Variants in PEBP4 observed in about 807,000 individuals in gnomAD.
The protein encoded by PEBP4 is phosphatidylethanolamine binding protein 4.
Under a neutral mutation model 23.9 loss-of-function variants are expected in PEBP4, and 22 were observed. The observed-to-expected ratio is 0.92, with a 90% CI of 0.66 to 1.31. PEBP4 has a LOEUF of 1.31. PEBP4 is among the 40% of genes most tolerant of loss of function. PEBP4 has a pLI of 0.00. For missense variants in PEBP4, 324 were observed against 281.7 expected (o/e 1.15, Z -1.07); for synonymous variants, 112 against 99.3 (o/e 1.13, Z -0.76).
intron 6 of PEBP4, among the ~76,000 whole-genome samples, chr8:22,723,106 C>A (rs1183428159): frequency 6.6e-6 from 1 of 152,098 alleles, no homozygotes; most frequent in African/African-American, 2.4e-5. Flanking sequence ...AAACCCTGTA[C>A]AGATGCAAGT....
chr8:22,861,281 G>C (rs1325496435), intron 3 of PEBP4, among the ~76,000 whole-genome samples: 1 of 152,184 alleles, frequency 6.6e-6, no homozygotes, highest in Non-Finnish European at 1.5e-5. Flanking sequence ...CCCTATTACA[G>C]CTAATAATAA....
chr8:22,761,959 T>C (rs941385107), intron 4 of PEBP4, among the ~76,000 whole-genome samples: 3 of 152,238 alleles, frequency 2.0e-5, no homozygotes, highest in African/African-American at 7.2e-5. Context: ...GCCTAAGGCA[T>C]AACTCTGCAT....
At chr8:22,939,422 T>C (rs1809580938) in intron 1 of PEBP4, among the ~76,000 whole-genome samples, 4 of 152,220 alleles carry the variant, frequency 2.6e-5, no homozygotes, top group African/African-American at 7.2e-5. Context: ...ATGGACTAAA[T>C]GGAAGTAAAG....
At chr8:22,882,077 G>A (rs1272042115) in intron 3 of PEBP4, among the ~76,000 whole-genome samples, 1 of 152,212 alleles carries the variant, frequency 6.6e-6, no homozygotes, top group Non-Finnish European at 1.5e-5. Flanking sequence ...TTTCTGTGAA[G>A]ATTAGAGAAC....
chr8:22,723,740 G>A (rs150846842), intron 6 of PEBP4, among the ~76,000 whole-genome samples: 7 of 152,348 alleles, frequency 4.6e-5, no homozygotes, highest in East Asian at 3.9e-4. Flanking sequence ...GGCACCTGGG[G>A]AAGGTTCACT....
chr8:22,777,629 G>A (rs572194458), intron 4 of PEBP4, among the ~76,000 whole-genome samples: 1 of 152,148 alleles, frequency 6.6e-6, no homozygotes, highest in Non-Finnish European at 1.5e-5. Flanking sequence ...CTTCTCACTC[G>A]CCCTGCACGG....
At chr8:22,808,527 T>C (rs186257531) in intron 4 of PEBP4, among the ~76,000 whole-genome samples, 4 of 152,196 alleles carry the variant, frequency 2.6e-5, no homozygotes, top group African/African-American at 9.7e-5. Flanking sequence ...TAAATAATAA[T>C]GAGGGCACTA....
At chr8:22,913,404 G>A (rs561106061) in intron 3 of PEBP4, among the ~76,000 whole-genome samples, 5 of 152,152 alleles carry the variant, frequency 3.3e-5, no homozygotes, top group African/African-American at 9.6e-5. Context: ...TGCAATGTCC[G>A]TGACATCATC....
intron 4 of PEBP4, among the ~76,000 whole-genome samples, chr8:22,777,013 T>G (rs1048869423): frequency 2.0e-5 from 3 of 151,606 alleles, no homozygotes; most frequent in African/African-American, 7.3e-5. Context: ...AATGGTGGGT[T>G]GGGGCAGAGA....
At chr8:22,781,323 A>G (rs1585268946) in intron 4 of PEBP4, among the ~76,000 whole-genome samples, 1 of 145,430 alleles carries the variant, frequency 6.9e-6, no homozygotes, top group Admixed American at 6.9e-5. Context: ...GCTGGTGGAA[A>G]CTCCCGAGGC....
At chr8:22,888,774 G>C (rs1220211498) in intron 3 of PEBP4, among the ~76,000 whole-genome samples, 1 of 152,168 alleles carries the variant, frequency 6.6e-6, no homozygotes, top group Non-Finnish European at 1.5e-5. Context: ...GTGCCCAGCT[G>C]ACTGGTTCCT....
intron 3 of PEBP4, among the ~76,000 whole-genome samples, chr8:22,903,985 A>T (rs1378305622): frequency 6.6e-6 from 1 of 152,248 alleles, no homozygotes. Flanking sequence ...CCCTGGACTC[A>T]GTTGAGTTCC....
chr8:22,924,615 C>G, intron 2 of PEBP4: 1 of 971,104 alleles, frequency 1.0e-6, no homozygotes, highest in Non-Finnish European at 1.2e-6. Context: ...AATGTACTTT[C>G]TGAAGAACGG....
intron 3 of PEBP4, among the ~76,000 whole-genome samples, chr8:22,912,874 G>A (rs1183089865): frequency 6.6e-6 from 1 of 152,146 alleles, no homozygotes; most frequent in Non-Finnish European, 1.5e-5. Context: ...AAAATGACCT[G>A]ATTCGTCCTT....
chr8:22,748,070 A>T (rs1805166721), intron 4 of PEBP4, among the ~76,000 whole-genome samples: 1 of 152,212 alleles, frequency 6.6e-6, no homozygotes, highest in African/African-American at 2.4e-5. Context: ...ACTGGGGCAC[A>T]TCCACACGCA....
At chr8:22,786,670 T>G (rs1014434868) in intron 4 of PEBP4, among the ~76,000 whole-genome samples, 1 of 152,188 alleles carries the variant, frequency 6.6e-6, no homozygotes, top group African/African-American at 2.4e-5. Context: ...GGAAGCCATC[T>G]CTTTCTCCTC....
In PEBP4 at chr8:22,760,107, C is replaced by T. The variant is rs377569831; in HGVS notation, c.358-32887G>A. On this transcript the variant is annotated intron_variant, in intron 4 of 6. Transcript: ENST00000256404. ...ACAAACATCGGTTGGGCACTTATTA[C>T]ACCCTAAGCTTTGTGCTAGGCACCT... 2.0e-5 allele frequency among the ~76,000 whole-genome samples: 3 copies of T among 152,316 alleles called. No homozygotes were observed. In the East Asian group the frequency reaches 5.8e-4, roughly 29 times the overall value.
chr8:22,751,482 A>T (rs994488995), intron 4 of PEBP4, among the ~76,000 whole-genome samples: 1 of 152,120 alleles, frequency 6.6e-6, no homozygotes, highest in Non-Finnish European at 1.5e-5. Context: ...TGAATGTATC[A>T]ATGTGGATTT....
rs116803659 is a variant in PEBP4 at position 22,734,881 on chromosome 8, G to T, written c.358-7661C>A. ...GTAAGGAGTTTACCCAGGATGGGAG[G>T]AGCTTCACCCAGAGCGTCACCACCC... On this transcript the variant is annotated intron_variant, in intron 4 of 6. Coordinates refer to ENST00000256404, the MANE Select transcript of PEBP4 (RefSeq NM_144962.3). Among the ~76,000 whole-genome samples the T allele has an allele frequency of 3.4e-3, 514 of 152,282 alleles. 3 individuals are homozygous for T. Among genetic ancestry groups the T allele is most frequent in the African/African-American group, 0.012 (489 of 41,556 alleles).
Sources: allele counts gnomAD v4.1 joint callset (sites outside exome capture counted in the v4.1 genomes callset), GRCh38; gene constraint gnomAD v4.1.1; transcripts MANE v1.5; gene names NCBI Gene and HGNC (gene_info 2026-07-23, HGNC 2026-07-21).